Variants in TTBK2 observed in about 807,000 individuals in gnomAD.
TTBK2 encodes the protein tau tubulin kinase 2.
In TTBK2, 28 loss-of-function variants were observed where a neutral mutation model predicts 110.8. That is an observed-to-expected ratio of 0.25 (90% confidence interval 0.19 to 0.35). The LOEUF (loss-of-function observed/expected upper bound fraction) is 0.35, where lower values mean the gene tolerates loss of function less well. Among genes scored for constraint, TTBK2 ranks in the 10% least tolerant of loss-of-function variants. TTBK2 has a pLI of 1.00. For missense variants in TTBK2, 1,369 were observed against 1,500.3 expected (o/e 0.91, Z 1.45); for synonymous variants, 532 against 527.3 (o/e 1.01, Z -0.12).
At chr15:42,822,212 T>C (rs1354457753) in intron 6 of TTBK2, among the ~76,000 whole-genome samples, 1 of 152,240 alleles carries the variant, frequency 6.6e-6, no homozygotes, top group Non-Finnish European at 1.5e-5. Flanking sequence ...TTTTTCCCCA[T>C]CTGTGACTTG....
Position 42,752,242 on chromosome 15 carries a change from A to G in TTBK2, c.3004T>C (p.Leu1002=). 5 of 1,614,062 alleles carry G rather than the reference A, an allele frequency of 3.1e-6. No individual in the cohort carries two copies. Among genetic ancestry groups the G allele is most frequent in the Non-Finnish European group, 4.2e-6 (5 of 1,180,000 alleles). Reference sequence around the variant, plus strand: ...ACAGTAGCTAGTTTCTCCTCTAGCAATTTATCAGAGGCACTTGAGAGGTCG... The same window carrying G: ...ACAGTAGCTAGTTTCTCCTCTAGCAGTTTATCAGAGGCACTTGAGAGGTCG... ...LGDLSSASDK[L]LEEKLATVPA... Residue 1002 remains leucine (L), a synonymous_variant, in exon 14 of 15, where the codon TTG becomes CTG. Coordinates refer to ENST00000267890, the MANE Select transcript of TTBK2 (RefSeq NM_173500.4).
intron 3 of TTBK2, among the ~76,000 whole-genome samples, chr15:42,845,361 T>C (rs920038087): frequency 6.6e-6 from 1 of 151,922 alleles, no homozygotes; most frequent in African/African-American, 2.4e-5. Context: ...AATGCTCAAG[T>C]CTCTGATAAA....
chr15:42,751,043 T>TA (rs1301965583), intron 14 of TTBK2, among the ~76,000 whole-genome samples: 1 of 152,212 alleles, frequency 6.6e-6, no homozygotes, highest in African/African-American at 2.4e-5. Flanking sequence ...GGGAGTTTGT[T>TA]ACCACCAGAC....
intron 13 of TTBK2, among the ~76,000 whole-genome samples, chr15:42,754,452 A>G (rs1273127234): frequency 6.6e-6 from 1 of 150,850 alleles, no homozygotes; most frequent in Non-Finnish European, 1.5e-5. Flanking sequence ...CTGGAGTGCA[A>G]TGGTGCAATC....
intron 3 of TTBK2, among the ~76,000 whole-genome samples, chr15:42,858,654 C>A (rs1034584394): frequency 6.6e-6 from 1 of 152,162 alleles, no homozygotes; most frequent in Non-Finnish European, 1.5e-5. Context: ...CTTCTTAGAG[C>A]AAACTGCTGC....
chr15:42,814,831 G>A (rs954946768), intron 7 of TTBK2, among the ~76,000 whole-genome samples: 1 of 152,132 alleles, frequency 6.6e-6, no homozygotes, highest in Admixed American at 6.5e-5. Context: ...GCAGAAAAGA[G>A]GGTTAAGAAC....
intron 3 of TTBK2, among the ~76,000 whole-genome samples, chr15:42,855,771 G>A (rs1020537116): frequency 1.3e-4 from 20 of 152,152 alleles, no homozygotes; most frequent in Admixed American, 1.3e-3. Flanking sequence ...CGCAGGCTCC[G>A]CCTCCCGGGT....
intron 1 of TTBK2, among the ~76,000 whole-genome samples, chr15:42,919,413 C>T (rs573094508): frequency 1.3e-5 from 2 of 152,300 alleles, no homozygotes; most frequent in Non-Finnish European, 1.5e-5. Context: ...ACAGCCAACA[C>T]ATCTTTGTGT....
chr15:42,842,849 A>G (rs759792608), intron 3 of TTBK2, among the ~76,000 whole-genome samples: 2 of 152,162 alleles, frequency 1.3e-5, no homozygotes, highest in Admixed American at 6.6e-5. Context: ...AATGGAGAAC[A>G]CAATAATTCA....
In TTBK2 at chr15:42,745,819, C is replaced by A; in HGVS notation, c.3711G>T (p.Lys1237Asn). ...CCTATCTGCTGAGTTTACTGGCTGG[C>A]TTACTCTTCCCTTGGGGGGTTTTAG... is the stretch of plus-strand genomic sequence containing the variant. Reference protein sequence around the residue: ...ASTKTPQGKSKPASKLSR With the variant: ...ASTKTPQGKSNPASKLSR The change falls in exon 15 of 15, where the codon AAG becomes AAT. Residue 1237 changes from lysine (K) to asparagine (N), a missense_variant. Physicochemically the swap from Lys to Asn is moderately conservative, Grantham distance 94 (BLOSUM62 0). This residue lies in a region of TTBK2 where 1,097 missense variants were observed against 1,114.7 expected (regional missense o/e 0.98). Transcript: ENST00000267890. 1.9e-6 allele frequency: 3 copies of A among 1,611,766 alleles called. No individual in the cohort carries two copies. The highest frequency in any genetic ancestry group is 2.5e-6 in the Non-Finnish European group (3 of 1,179,754).
chr15:42,752,091 T>C lies in TTBK2; in HGVS notation c.3155A>G (p.Lys1052Arg), dbSNP rs745874156. ...SPIISQSRKS[K>R]IPRPVSWVNT... Reference sequence around the variant, plus strand: ...GACCCATGAAACTGGCCTTGGAATTTTGCTCTTTCTAGACTGGGAGATGAT... The same window carrying C: ...GACCCATGAAACTGGCCTTGGAATTCTGCTCTTTCTAGACTGGGAGATGAT... Residue 1052 changes from lysine to arginine, a missense_variant, in exon 14 of 15, where the codon AAA becomes AGA. Transcript: ENST00000267890. 6.2e-7 allele frequency: 1 copy of C among 1,614,064 alleles called. No individual in the cohort carries two copies. Among genetic ancestry groups the C allele is most frequent in the Admixed American group, 1.7e-5 (1 of 60,002 alleles).
chr15:42,834,858 C>G (rs990811409), intron 4 of TTBK2, among the ~76,000 whole-genome samples: 1 of 152,100 alleles, frequency 6.6e-6, no homozygotes, highest in Non-Finnish European at 1.5e-5. Context: ...GACTGGGCAA[C>G]AGAGTGAGAT....
Position 42,878,668 on chromosome 15 carries a change from G to A in TTBK2, c.-51C>T, listed in dbSNP as rs374364415. The A allele has an allele frequency of 2.5e-4, 396 of 1,612,972 alleles. 1 individual carries two copies. Among genetic ancestry groups the A allele is most frequent in the Non-Finnish European group, 3.8e-5 (45 of 1,179,696 alleles). On this transcript the variant is annotated 5_prime_UTR_variant, in exon 2 of 15. Coordinates refer to ENST00000267890, the MANE Select transcript of TTBK2 (RefSeq NM_173500.4). ...GCTACACAGGCATCCAGTTCCCAAG[G>A]GTGGTTTCCATTTAACCTAAAACAA...
chr15:42,830,219 C>T, intron 4 of TTBK2, 141 bp from the exon 5 acceptor site: 1 of 985,618 alleles, frequency 1.0e-6, no homozygotes, highest in Non-Finnish European at 1.5e-6. Flanking sequence ...GGGAGTTTCA[C>T]TCTTGTTGCC....
At chr15:42,846,043 A>C (rs571098541) in intron 3 of TTBK2, among the ~76,000 whole-genome samples, 1 of 152,196 alleles carries the variant, frequency 6.6e-6, no homozygotes, top group South Asian at 2.1e-4. Flanking sequence ...ACTATATATA[A>C]TCTCTAGATT....
chr15:42,891,493 A>G (rs1445915723), intron 1 of TTBK2, among the ~76,000 whole-genome samples: 1 of 151,616 alleles, frequency 6.6e-6, no homozygotes, highest in Non-Finnish European at 1.5e-5. Context: ...GTATATTAAA[A>G]ACTCTGTAAA....
At chr15:42,833,043 AC>A (rs1434883769) in intron 4 of TTBK2, among the ~76,000 whole-genome samples, 1 of 152,128 alleles carries the variant, frequency 6.6e-6, no homozygotes, top group African/African-American at 2.4e-5. Flanking sequence ...ACTGGGGTCT[AC>A]TGGACGGGGA....
chr15:42,811,751 G>A lies in TTBK2; in HGVS notation c.633C>T (p.Ser211=). Residue 211 remains serine, a synonymous_variant, in exon 8 of 15, where the codon TCC becomes TCT. Coordinates refer to ENST00000267890, the MANE Select transcript of TTBK2 (RefSeq NM_173500.4). ...CAAACTCCACCAACATGTAGAATAA[G>A]GACCAAAGGTCATCATGTCTTCCCA... The part of the protein sequence containing the change: ...REMGRHDDLW[S]LFYMLVEFVV... The A allele has an allele frequency of 6.2e-7, 1 of 1,613,604 alleles. No homozygotes were observed. Among genetic ancestry groups the A allele is most frequent in the Non-Finnish European group, 8.5e-7 (1 of 1,179,748 alleles).
intron 9 of TTBK2, among the ~76,000 whole-genome samples, chr15:42,804,032 GA>G (rs1241804304): frequency 7.5e-6 from 1 of 132,942 alleles, no homozygotes; most frequent in Non-Finnish European, 1.6e-5. Context: ...AAAAAAAAAA[GA>G]GAGAGATGAT....
Sources: gnomAD v4.1 joint callset for allele counts (sites outside exome capture counted in the v4.1 genomes callset) on GRCh38, gnomAD v4.1.1 for gene constraint, gnomAD v4.1.1 regional missense constraint, MANE v1.5 for transcripts, NCBI Gene and HGNC (gene_info 2026-07-23, HGNC 2026-07-21) for gene names.